The following PLCB4 variants were observed in gnomAD, a reference collection of about 807,000 sequenced individuals.
PLCB4 encodes the protein phospholipase C beta 4.
Under a neutral mutation model 178.8 loss-of-function variants are expected in PLCB4, and 77 were observed. The observed-to-expected ratio is 0.43, with a 90% confidence interval of 0.36 to 0.52. The LOEUF (loss-of-function observed/expected upper bound fraction) is 0.52, where lower values mean the gene tolerates loss of function less well. Among genes scored for constraint, PLCB4 ranks in the 20% least tolerant of loss-of-function variants. The probability of loss-of-function intolerance (pLI) is 0.00; values close to 1 mark genes in which losing one functional copy is unlikely to be tolerated. For synonymous variants in PLCB4, 496 were observed against 490.8 expected, an observed-to-expected ratio of 1.01 and a Z score of -0.14; for missense variants, 1,024 against 1,453.4, an observed-to-expected ratio of 0.70 and a Z score of 4.80.
intron 1 of PLCB4, among the ~76,000 whole-genome samples, chr20:9,086,174 A>G (rs1373711054): frequency 6.6e-6 from 1 of 152,202 alleles, no homozygotes; most frequent in Non-Finnish European, 1.5e-5. Flanking sequence ...AGCCATCATG[A>G]TGAGAAAAAG....
At chr20:9,346,280 A>G (rs1378665050) in intron 7 of PLCB4, among the ~76,000 whole-genome samples, 1 of 152,202 alleles carries the variant, frequency 6.6e-6, no homozygotes, top group Non-Finnish European at 1.5e-5. Flanking sequence ...ATTCTTATGC[A>G]CACTCAAGTT....
chr20:9,068,845 C>A (rs1163731256), upstream of PLCB4: 7 of 151,186 alleles, frequency 4.6e-5, no homozygotes, highest in African/African-American at 1.7e-4. Context: ...GCGGGCGGGT[C>A]GGCGCTGCCC....
At chr20:9,297,168 C>T (rs2094647333) in intron 3 of PLCB4, among the ~76,000 whole-genome samples, 1 of 151,662 alleles carries the variant, frequency 6.6e-6, no homozygotes, top group Admixed American at 6.6e-5. Context: ...CCCCCCCCCA[C>T]ACCATATATA....
intron 38 of PLCB4, among the ~76,000 whole-genome samples, chr20:9,473,653 G>A (rs966458651): frequency 6.6e-6 from 1 of 152,184 alleles, no homozygotes; most frequent in African/African-American, 2.4e-5. Flanking sequence ...ATGAAAAAAA[G>A]AGATTACGAA....
At chr20:9,436,098 T>A (rs143784214) in intron 29 of PLCB4, among the ~76,000 whole-genome samples, 2 of 152,346 alleles carry the variant, frequency 1.3e-5, no homozygotes, top group East Asian at 3.9e-4. Context: ...AAAAATATTG[T>A]ATAAAATTAC....
chr20:9,169,492 A>G (rs1399747744), intron 2 of PLCB4, among the ~76,000 whole-genome samples: 1 of 151,538 alleles, frequency 6.6e-6, no homozygotes, highest in Non-Finnish European at 1.5e-5. Context: ...CTGGAGGCTG[A>G]GGCAGGAGAA....
intron 2 of PLCB4, among the ~76,000 whole-genome samples, chr20:9,175,036 A>G (rs1488732548): frequency 6.6e-6 from 1 of 152,206 alleles, no homozygotes; most frequent in Non-Finnish European, 1.5e-5. Flanking sequence ...TAGATATGCC[A>G]TTCCAGAACT....
rs199867958 is a variant in PLCB4 at position 9,458,102 on chromosome 20, G to GA, written c.3072+623dup. On this transcript the variant is annotated intron_variant, in intron 34 of 39. Coordinates refer to ENST00000378473, the MANE Select transcript of PLCB4 (RefSeq NM_001377142.1). The stretch of plus-strand genomic sequence containing the variant: ...TTTTTAAATGAAAAGGAAAAAAAAA[G>GA]AAAAAAAAAACCAACAACAACTGTT... 1.4e-3 allele frequency among the ~76,000 whole-genome samples: 201 copies of GA among 146,554 alleles called. 3 individuals carry two copies. In the East Asian group the frequency reaches 0.027, roughly 20 times the overall value.
chr20:9,167,846 G>A (rs549256622), intron 2 of PLCB4, among the ~76,000 whole-genome samples: 1 of 152,282 alleles, frequency 6.6e-6, no homozygotes, highest in South Asian at 2.1e-4. Flanking sequence ...GAAACAAACG[G>A]TGAAACCATG....
chr20:9,324,185 A>AG lies in PLCB4; in HGVS notation c.85-12941_85-12940insG, dbSNP rs570803705. 2.8e-3 allele frequency among the ~76,000 whole-genome samples: 431 copies of AG among 151,522 alleles called. 4 individuals carry two copies. The highest frequency in any genetic ancestry group is 9.8e-3 in the African/African-American group (403 of 41,152). ...GTGAGGTCCTGTCTCAAAAAAAAAAAAAGAAAGAAATTTAAAAAAGAAAGG... is the reference window on the plus strand; with the variant it reads ...GTGAGGTCCTGTCTCAAAAAAAAAAAGAAGAAAGAAATTTAAAAAAGAAAGG... On this transcript the variant is annotated intron_variant, in intron 4 of 39. Transcript: ENST00000378473.
At chr20:9,115,936 A>C (rs1239359732) in intron 2 of PLCB4, among the ~76,000 whole-genome samples, 1 of 152,058 alleles carries the variant, frequency 6.6e-6, no homozygotes, top group Non-Finnish European at 1.5e-5. Context: ...ATTTTAAAGT[A>C]ATGTAACAGG....
intron 4 of PLCB4, among the ~76,000 whole-genome samples, chr20:9,322,303 T>C (rs1384107374): frequency 6.6e-6 from 1 of 152,108 alleles, no homozygotes; most frequent in Non-Finnish European, 1.5e-5. Context: ...AGGTAAAACA[T>C]ACTATATGGA....
intron 3 of PLCB4, among the ~76,000 whole-genome samples, chr20:9,258,398 G>A (rs1420728011): frequency 6.6e-6 from 1 of 152,070 alleles, no homozygotes. Context: ...CCAGAAATGG[G>A]AGTGGGGTGG....
chr20:9,176,282 G>A (rs2147066593), intron 2 of PLCB4, among the ~76,000 whole-genome samples: 1 of 152,270 alleles, frequency 6.6e-6, no homozygotes, highest in South Asian at 2.1e-4. Context: ...GTGTCAGGCT[G>A]TTAAGAGTAA....
chr20:9,213,161 A>G (rs1218313709), intron 2 of PLCB4, among the ~76,000 whole-genome samples: 1 of 113,768 alleles, frequency 8.8e-6, no homozygotes, highest in Non-Finnish European at 1.7e-5. Flanking sequence ...TTTTTTTTAG[A>G]CAAAGTCTCA....
At chr20:9,391,735 C>T (rs2038163438) in intron 17 of PLCB4, among the ~76,000 whole-genome samples, 1 of 152,196 alleles carries the variant, frequency 6.6e-6, no homozygotes, top group Non-Finnish European at 1.5e-5. Flanking sequence ...TGAGAGTGAG[C>T]TCTGGTCACT....
At chr20:9,401,700 A>G (rs1017705706) in intron 20 of PLCB4, 110 bp downstream of exon 20, 1 of 714,468 alleles carries the variant, frequency 1.4e-6, no homozygotes, top group African/African-American at 1.8e-5. Context: ...TTCCCCTTCT[A>G]AATTGCTTAG....
intron 2 of PLCB4, among the ~76,000 whole-genome samples, chr20:9,138,668 A>G (rs1259837055): frequency 2.6e-5 from 4 of 152,134 alleles, no homozygotes; most frequent in Non-Finnish European, 4.4e-5. Context: ...TCTAATGATT[A>G]TATTAGCATC....
intron 2 of PLCB4, among the ~76,000 whole-genome samples, chr20:9,152,474 G>T (rs535381631): frequency 6.6e-6 from 1 of 152,186 alleles, no homozygotes; most frequent in African/African-American, 2.4e-5. Flanking sequence ...TAGAGCTTGG[G>T]CTGTGGCTTC....
Sources: gnomAD v4.1 joint callset for allele counts (sites outside exome capture counted in the v4.1 genomes callset) on GRCh38, gnomAD v4.1.1 for gene constraint, MANE v1.5 for transcripts, NCBI Gene and HGNC (gene_info 2026-07-23, HGNC 2026-07-21) for gene names.